BTBD10: variants seen among roughly 807,000 people sequenced by gnomAD.
The protein encoded by BTBD10 is BTB/POZ domain-containing protein 10.
Under a neutral mutation model 53.2 loss-of-function variants are expected in BTBD10, and 21 were observed. The ratio of observed to expected loss-of-function variants is 0.39; its 90% CI spans 0.28 to 0.57. BTBD10 has a LOEUF of 0.57. Ranked by LOEUF, BTBD10 falls within the 20% of genes least tolerant of loss-of-function variation. BTBD10 has a pLI of 0.53. For synonymous variants in BTBD10, 149 were observed against 192.7 expected (o/e 0.77, Z 1.88); for missense variants, 360 against 594.7 (o/e 0.61, Z 4.10).
chr11:13,415,307 C>G (rs1950075663), intron 5 of BTBD10, among the ~76,000 whole-genome samples: 1 of 152,046 alleles, frequency 6.6e-6, no homozygotes, highest in Non-Finnish European at 1.5e-5. Flanking sequence ...TATGAGCAAA[C>G]AGCAAACTGT....
intron 8 of BTBD10, among the ~76,000 whole-genome samples, chr11:13,402,358 T>A (rs532893668): frequency 6.6e-6 from 1 of 152,326 alleles, no homozygotes; most frequent in African/African-American, 2.4e-5. Context: ...TAAGTGTTTT[T>A]CATATATTAA....
chr11:13,421,112 T>C (rs201900778), intron 3 of BTBD10, among the ~76,000 whole-genome samples: 3 of 133,312 alleles, frequency 2.3e-5, no homozygotes, highest in Non-Finnish European at 5.0e-5. Flanking sequence ...TAGTTATATG[T>C]GTTCACCTGG....
chr11:13,416,339 G>C (rs1950109566), intron 5 of BTBD10, among the ~76,000 whole-genome samples: 1 of 151,926 alleles, frequency 6.6e-6, no homozygotes, highest in Middle Eastern at 3.2e-3. Context: ...TGGCAACACA[G>C]TGAGACCCTG....
intron 2 of BTBD10, among the ~76,000 whole-genome samples, chr11:13,425,905 C>A (rs1245180866): frequency 6.6e-6 from 1 of 151,666 alleles, no homozygotes; most frequent in Non-Finnish European, 1.5e-5. Context: ...GAAAAGCACA[C>A]CGAATGGAAT....
At chr11:13,415,469 TCAAGCAGCTGAC>T (rs1355423576) in intron 5 of BTBD10, among the ~76,000 whole-genome samples, 1 of 152,004 alleles carries the variant, frequency 6.6e-6, no homozygotes, top group Non-Finnish European at 1.5e-5. Context: ...CTGTGACAAA[TCAAGCAGCTGAC>T]CAACAGCACC....
intron 1 of BTBD10, among the ~76,000 whole-genome samples, chr11:13,455,370 G>GACTTCTTAATTAACACATTAACACTTCC (rs1950942730): frequency 6.6e-6 from 1 of 152,078 alleles, no homozygotes; most frequent in Non-Finnish European, 1.5e-5. Flanking sequence ...AAATTTTGCT[G>GACTTCTTAATTAACACATTAACACTTCC]ACTTCTTAAT....
intron 1 of BTBD10, among the ~76,000 whole-genome samples, chr11:13,446,067 T>C (rs1950745071): frequency 6.6e-6 from 1 of 152,134 alleles, no homozygotes; most frequent in Admixed American, 6.5e-5. Flanking sequence ...TCTCGAAAAA[T>C]GCTGAGACTA....
At chr11:13,404,827 T>A (rs1949782569) in intron 7 of BTBD10, among the ~76,000 whole-genome samples, 1 of 152,184 alleles carries the variant, frequency 6.6e-6, no homozygotes, top group Admixed American at 6.5e-5. Context: ...TTAAAAAGAA[T>A]GCCATCTGGA....
Position 13,388,793 on chromosome 11 carries a change from T to C in BTBD10, c.*38A>G. ...GAATGAGGAGAGTACAACGTCACTG[T>C]GAAGAGTAGCATGCTATGGTTTCAA... On this transcript the variant is annotated 3_prime_UTR_variant, in exon 9 of 9. Transcript: ENST00000278174. The C allele has an allele frequency of 3.8e-6, 6 of 1,575,564 alleles. No individual in the cohort carries two copies. Among genetic ancestry groups the C allele is most frequent in the Non-Finnish European group, 5.2e-6 (6 of 1,158,086 alleles).
intron 8 of BTBD10, among the ~76,000 whole-genome samples, chr11:13,391,430 C>T (rs1239419517): frequency 6.8e-6 from 1 of 147,970 alleles, no homozygotes; most frequent in African/African-American, 2.5e-5. Flanking sequence ...CAATACTTAA[C>T]AGAACTAAAC....
intron 8 of BTBD10, among the ~76,000 whole-genome samples, chr11:13,399,968 C>A (rs1949669401): frequency 6.6e-6 from 1 of 152,186 alleles, no homozygotes; most frequent in South Asian, 2.1e-4. Context: ...CTGGGGGGTG[C>A]CTCCCAGTTA....
At chr11:13,454,701 T>C (rs1328080429) in intron 1 of BTBD10, among the ~76,000 whole-genome samples, 1 of 151,646 alleles carries the variant, frequency 6.6e-6, no homozygotes, top group Non-Finnish European at 1.5e-5. Context: ...AATAAAAAAA[T>C]AAATTAAATA....
intron 1 of BTBD10, among the ~76,000 whole-genome samples, chr11:13,460,025 C>G (rs1951060545): frequency 6.6e-6 from 1 of 152,364 alleles, no homozygotes; most frequent in Middle Eastern, 3.4e-3. Context: ...AGTCTTATAA[C>G]TCTTCAACAG....
At chr11:13,457,709 C>G (rs1447187134) in intron 1 of BTBD10, among the ~76,000 whole-genome samples, 3 of 152,028 alleles carry the variant, frequency 2.0e-5, no homozygotes, top group Non-Finnish European at 2.9e-5. Flanking sequence ...AGTTCTCTTT[C>G]GATATACTTT....
intron 1 of BTBD10, among the ~76,000 whole-genome samples, chr11:13,445,606 A>T (rs1429382440): frequency 8.5e-5 from 13 of 152,180 alleles, no homozygotes; most frequent in Non-Finnish European, 1.8e-4. Context: ...AGTAAAACCA[A>T]ATAACCAATG....
chr11:13,391,436 T>C (rs1173630834), intron 8 of BTBD10, among the ~76,000 whole-genome samples: 1 of 76,218 alleles, frequency 1.3e-5, no homozygotes, highest in Non-Finnish European at 2.8e-5. Context: ...TTAACAGAAC[T>C]AAACTGTAAC....
At chr11:13,459,776 TGA>T (rs750577336) in intron 1 of BTBD10, 9 of 152,172 alleles carry the variant, frequency 5.9e-5, no homozygotes, top group Non-Finnish European at 8.8e-5. Context: ...GCCTAAGAAT[TGA>T]GAGTCCCAAA....
At position 13,388,514 on chromosome 11, in the gene BTBD10, C is replaced by G. The variant is rs1367765755; in HGVS notation, c.*317G>C. 8.3e-6 allele frequency: 2 copies of G among 239,570 alleles called. No homozygotes were observed. Among genetic ancestry groups the G allele is most frequent in the Admixed American group, 9.9e-5 (2 of 20,248 alleles). The allele number at this position is 239,570 out of a possible 1,614,324, so 14.8% of individuals were successfully genotyped here. ...TGAATATCAGTCCAAACTGAAAGTA[C>G]CCCAGCTGCCAATTTCCACCACTTC... is the stretch of plus-strand genomic sequence containing the variant. On this transcript the variant is annotated 3_prime_UTR_variant, in exon 9 of 9. Transcript: ENST00000278174.
At chr11:13,422,017 G>GT (rs1452620118) in intron 2 of BTBD10, among the ~76,000 whole-genome samples, 179 bp from the exon 3 acceptor site, 1 of 152,116 alleles carries the variant, frequency 6.6e-6, no homozygotes, top group Non-Finnish European at 1.5e-5. Context: ...CTGGAATAAC[G>GT]TGTCTTTGAA....
Sources: gnomAD v4.1 joint callset for allele counts (sites outside exome capture counted in the v4.1 genomes callset) on GRCh38, gnomAD v4.1.1 for gene constraint, MANE v1.5 for transcripts, NCBI Gene and HGNC (gene_info 2026-07-23, HGNC 2026-07-21) for gene names.